The following DBP variants were observed in gnomAD, a reference collection of about 807,000 sequenced individuals.
DBP encodes D site-binding protein.
A neutral mutation model predicts 21.4 loss-of-function variants in DBP; 12 were observed. The observed-to-expected ratio is 0.56, with a 90% CI of 0.36 to 0.91. DBP has a LOEUF of 0.91. DBP is among the 40% of genes least tolerant of loss of function. The pLI is 0.01. For synonymous variants in DBP, 213 were observed against 224.9 expected (o/e 0.95, Z 0.47); for missense variants, 423 against 473.4 (o/e 0.89, Z 0.99).
rs547099217 is a variant in DBP, at chr19:48,630,574, G to C, written c.*263C>G. 6.5e-7 allele frequency: 1 copy of C among 1,535,152 alleles called. No homozygotes were observed. Among genetic ancestry groups the C allele is most frequent in the Admixed American group, 2.0e-5 (1 of 50,746 alleles). On this transcript the variant is annotated 3_prime_UTR_variant, in exon 4 of 4. Transcript: ENST00000222122. The surrounding 1 kb of genome is among the most constrained non-coding windows in gnomAD (Gnocchi z 4.9). ...CAACAGCTGGCTCTGGGGTTCTCAAGATTTATTCAGGATCGTGTTAACGGA... is the reference window on the plus strand; with the variant it reads ...CAACAGCTGGCTCTGGGGTTCTCAACATTTATTCAGGATCGTGTTAACGGA...
chr19:48,636,092 A>C, intron 1 of DBP, 102 bp from the exon 2 acceptor site: 3 of 1,156,388 alleles, frequency 2.6e-6, no homozygotes, highest in Non-Finnish European at 3.4e-6. Context: ...GATCCAGAGA[A>C]AGAGGGGACG....
chr19:48,630,067 C>G lies in DBP; in HGVS notation c.*770G>C, dbSNP rs2030469368. The G allele has an allele frequency of 7.8e-7, 1 of 1,286,770 alleles. No individual in the cohort carries two copies. Among genetic ancestry groups the G allele is most frequent in the African/African-American group, 1.5e-5 (1 of 66,548 alleles). 79.7% of individuals were successfully genotyped at this position (1,286,770 alleles called of 1,614,324 possible). ...GCTCAGTCCTGACGCTTGCCACCTG[C>G]TCCTACCCGGCCAGGATGGCTGAGG... On this transcript the variant is annotated 3_prime_UTR_variant, in exon 4 of 4. Coordinates refer to ENST00000222122, the MANE Select transcript of DBP (RefSeq NM_001352.5). The surrounding 1 kb of genome is among the most constrained non-coding windows in gnomAD (Gnocchi z 4.9).
At chr19:48,631,649 T>A (rs1435626417) in intron 3 of DBP, 1 of 152,624 alleles carries the variant, frequency 6.6e-6, no homozygotes, top group Non-Finnish European at 1.5e-5. Flanking sequence ...TCCTCCCCAG[T>A]AGGACCTGAC....
chr19:48,633,193 T>A, intron 3 of DBP: 1 of 604,968 alleles, frequency 1.7e-6, no homozygotes, highest in South Asian at 2.0e-5. Flanking sequence ...GAGATCCTCC[T>A]GCCTCAGCCC....
At chr19:48,635,244 C>T in intron 2 of DBP, 1 of 1,169,216 alleles carries the variant, frequency 8.6e-7, no homozygotes, top group Non-Finnish European at 1.1e-6. Context: ...CAGTCCACTC[C>T]CCAGTAAATA....
At chr19:48,634,700 T>A in intron 2 of DBP, 1 of 985,484 alleles carries the variant, frequency 1.0e-6, no homozygotes, top group South Asian at 4.7e-5. Context: ...AGGACTCACG[T>A]GGCGCAGGAA....
In DBP at chr19:48,630,183, G is replaced by A. The variant is rs771846174; in HGVS notation, c.*654C>T. On this transcript the variant is annotated 3_prime_UTR_variant, in exon 4 of 4. Coordinates refer to ENST00000222122, the MANE Select transcript of DBP (RefSeq NM_001352.5). This position sits in a 1 kb window ranked among gnomAD's most constrained non-coding sequence, Gnocchi z 4.9. ...GTGAGTCGGCCGGTCAGGGCCCGCA[G>A]CCTCGCCCCATCCACTCCGGTGCCT... 8.0e-7 allele frequency: 1 copy of A among 1,254,134 alleles called. No homozygotes were observed. The highest frequency in any genetic ancestry group is 1.0e-6 in the Non-Finnish European group (1 of 998,172). 77.7% of individuals were successfully genotyped at this position (1,254,134 alleles called of 1,614,324 possible).
chr19:48,636,092 A>G, intron 1 of DBP, 102 bp from the exon 2 acceptor site: 1 of 1,156,388 alleles, frequency 8.6e-7, no homozygotes, highest in East Asian at 3.2e-5. Context: ...GATCCAGAGA[A>G]AGAGGGGACG....
Position 48,636,848 on chromosome 19 carries a change from G to T in DBP, c.139+8C>A. The T allele has an allele frequency of 6.2e-7, 1 of 1,611,134 alleles. No homozygotes were observed. The highest frequency in any genetic ancestry group is 1.7e-5 in the Admixed American group (1 of 59,788). ...TCCGAAGTGGGTGAGATGGGGGTTA[G>T]AACTCACAGCTGGCCGGCTCTTTGG... is the stretch of plus-strand genomic sequence containing the variant. On this transcript the variant is annotated splice_region_variant and intron_variant, in intron 1 of 3. Transcript: ENST00000222122.
chr19:48,631,114 A>G lies in DBP; in HGVS notation c.763-62T>C, dbSNP rs57746326. On this transcript the variant is annotated intron_variant, in intron 3 of 3. Transcript: ENST00000222122. ...GGGACCCAGGTCCCAGCGAGAGAGG[A>G]AGGGAGCCCCAGCAGCGGGGCCTAA... The G allele has an allele frequency of 9.5e-3, 14,055 of 1,484,920 alleles. 1,127 individuals carry two copies. In the African/African-American group the frequency reaches 0.17, roughly 18 times the overall value. The allele number at this position is 1,484,920 out of a possible 1,614,324, so 92.0% of individuals were successfully genotyped here.
intron 1 of DBP, among the ~76,000 whole-genome samples, 161 bp downstream of exon 1, chr19:48,636,695 G>A (rs1252062618): frequency 6.6e-6 from 1 of 152,126 alleles, no homozygotes; most frequent in East Asian, 1.9e-4. Context: ...GGTCCTGGGC[G>A]CTAAGGGATC....
In DBP at chr19:48,633,611, C is replaced by T. The variant is rs373748440; in HGVS notation, c.595G>A (p.Val199Met). The T allele has an allele frequency of 6.2e-6, 10 of 1,614,016 alleles. No individual in the cohort carries two copies. Among genetic ancestry groups the T allele is most frequent in the Admixed American group, 3.3e-5 (2 of 59,996 alleles). The change falls in exon 3 of 4, where the codon GTG becomes ATG. Residue 199 changes from valine to methionine, a missense_variant. Physicochemically the swap from Val to Met is conservative, Grantham distance 21. Around this residue, in one of 4 missense-constraint regions of DBP, gnomAD observed 77 missense variants for 97.1 expected, o/e 0.79. Transcript: ENST00000222122. ...GGTTCAAAGGTCATCAACACCTCCA[C>T]GGTGTCTGGGTCCACAGGGCTGGGT... is the stretch of plus-strand genomic sequence containing the variant. ...DTPSPVDPDT[V>M]EVLMTFEPDP...
Position 48,630,240 on chromosome 19 carries a change from C to A in DBP, c.*597G>T. The A allele has an allele frequency of 7.8e-7, 1 of 1,277,234 alleles. No homozygotes were observed. The highest frequency in any genetic ancestry group is 9.9e-7 in the Non-Finnish European group (1 of 1,012,204). The allele number at this position is 1,277,234 out of a possible 1,614,324, so 79.1% of individuals were successfully genotyped here. On this transcript the variant is annotated 3_prime_UTR_variant, in exon 4 of 4. Coordinates refer to ENST00000222122, the MANE Select transcript of DBP (RefSeq NM_001352.5). This position sits in a 1 kb window ranked among gnomAD's most constrained non-coding sequence, Gnocchi z 4.9. ...AGCTGGCCAATCAGCCCAGGAGGGG[C>A]AGGTTCCCCGGGGCCGGCGCTAGGA...
At chr19:48,633,704 T>C in intron 2 of DBP, 49 bp from the exon 3 acceptor site, 2 of 1,516,980 alleles carry the variant, frequency 1.3e-6, no homozygotes, top group East Asian at 4.5e-5. Context: ...AAGGAGGGGG[T>C]TTCCTGAAGC....
In DBP at chr19:48,637,007, GC is replaced by G; in HGVS notation, c.-14del. On this transcript the variant is annotated 5_prime_UTR_variant, in exon 1 of 4. Transcript: ENST00000222122. ...CAGGCCGCGCCATCGCCTGGCACCT[GC>G]CCCCAGGCTCACGGGTTCATGGAGA... 3 of 1,482,430 alleles carry G rather than the reference GC, an allele frequency of 2.0e-6. No individual in the cohort carries two copies. Among genetic ancestry groups the G allele is most frequent in the Admixed American group, 2.4e-5 (1 of 41,946 alleles). The allele number at this position is 1,482,430 out of a possible 1,614,324, so 91.8% of individuals were successfully genotyped here. A position where few individuals can be genotyped will look rare whatever the true frequency, so the allele number is the denominator to read the frequency against.
At chr19:48,634,729 A>G (rs2030721199) in intron 2 of DBP, 1 of 985,542 alleles carries the variant, frequency 1.0e-6, no homozygotes, top group African/African-American at 1.7e-5. Context: ...TGGGAAGGGT[A>G]GGGCCCTGGT....
chr19:48,632,944 A>T (rs2030653060), intron 3 of DBP: 1 of 195,450 alleles, frequency 5.1e-6, no homozygotes, highest in Non-Finnish European at 1.1e-5. Context: ...AGAAGCTCCA[A>T]GTCTCTACAA....
At position 48,631,061 on chromosome 19, in the gene DBP, G is replaced by A. The variant is rs2030562846; in HGVS notation, c.763-9C>T. ...CTCCAGTATTTCTCATCCTGCAGGA[G>A]AAGAGGGGGAGAGCACTGAGGTCCA... is the stretch of plus-strand genomic sequence containing the variant. On this transcript the variant is annotated splice_polypyrimidine_tract_variant and intron_variant, in intron 3 of 3. Transcript: ENST00000222122. 2 of 1,610,298 alleles carry A rather than the reference G, an allele frequency of 1.2e-6. No homozygotes were observed. Among genetic ancestry groups the A allele is most frequent in the Non-Finnish European group, 1.7e-6 (2 of 1,178,252 alleles).
rs1296671587 is a variant in DBP at position 48,635,972 on chromosome 19, T to A, written c.158A>T (p.Glu53Val). ...GGCTGCAGGCAGGGCCGCCTTGCGC[T>A]CCTTTTCCTTCAGGAGACCTGCGGG... The part of the protein sequence containing the change: ...EPASCLLKEK[E>V]RKAALPAATT... The change falls in exon 2 of 4, where the codon GAG becomes GTG. Residue 53 changes from glutamate (E) to valine (V), a missense_variant. Around this residue, in one of 4 missense-constraint regions of DBP, gnomAD observed 283 missense variants for 273.7 expected, o/e 1.03. Coordinates refer to ENST00000222122, the MANE Select transcript of DBP (RefSeq NM_001352.5). 5.9e-6 allele frequency: 9 copies of A among 1,521,540 alleles called. No individual in the cohort carries two copies. Among genetic ancestry groups the A allele is most frequent in the African/African-American group, 1.4e-5 (1 of 70,904 alleles). The allele number at this position is 1,521,540 out of a possible 1,614,324, so 94.3% of individuals were successfully genotyped here. A position where few individuals can be genotyped will look rare whatever the true frequency, so the allele number is the denominator to read the frequency against.
Sources: allele counts gnomAD v4.1 joint callset (sites outside exome capture counted in the v4.1 genomes callset), GRCh38; gene constraint gnomAD v4.1.1; regional missense constraint gnomAD v4.1.1; non-coding constraint Gnocchi (gnomAD v3.1); transcripts MANE v1.5; gene names NCBI Gene and HGNC (gene_info 2026-07-23, HGNC 2026-07-21).